Variants in GPC5 observed in about 807,000 individuals in gnomAD.
The protein encoded by GPC5 is glypican 5.
A neutral mutation model predicts 53.9 loss-of-function variants in GPC5; 47 were observed. The observed-to-expected ratio is 0.87, with a 90% CI of 0.69 to 1.11. The LOEUF (loss-of-function observed/expected upper bound fraction) is 1.11. GPC5 is among the 50% of genes most tolerant of loss of function. The probability of loss-of-function intolerance (pLI) is 0.00; values close to 1 mark genes in which losing one functional copy is unlikely to be tolerated. For missense variants in GPC5, 748 were observed against 713.1 expected, an observed-to-expected ratio of 1.05 and a Z score of -0.56; for synonymous variants, 286 against 263.3, an observed-to-expected ratio of 1.09 and a Z score of -0.84.
chr13:91,785,116 T>C (rs190152997), intron 5 of GPC5, among the ~76,000 whole-genome samples: 2 of 152,368 alleles, frequency 1.3e-5, no homozygotes, highest in Admixed American at 1.3e-4. Flanking sequence ...ACCTCCATTG[T>C]TAATTTCTCC....
intron 7 of GPC5, among the ~76,000 whole-genome samples, chr13:92,767,307 C>T (rs1006877687): frequency 6.6e-6 from 1 of 152,002 alleles, no homozygotes; most frequent in Non-Finnish European, 1.5e-5. Context: ...CCCGTCTCTG[C>T]TAAAACTACA....
chr13:92,461,066 T>A (rs1479924551), intron 7 of GPC5, among the ~76,000 whole-genome samples: 2 of 152,166 alleles, frequency 1.3e-5, no homozygotes, highest in African/African-American at 4.8e-5. Flanking sequence ...GTCAACATTT[T>A]TTTTTTCTGA....
chr13:91,927,203 G>T (rs1167802275), intron 6 of GPC5, among the ~76,000 whole-genome samples: 1 of 152,024 alleles, frequency 6.6e-6, no homozygotes, highest in African/African-American at 2.4e-5. Flanking sequence ...ATGGATTTTT[G>T]TGCTCACCAT....
At position 92,144,960 on chromosome 13, in the gene GPC5, A is replaced by C. The variant is rs2041856450; in HGVS notation, c.1532A>C (p.Glu511Ala). The C allele has an allele frequency of 6.4e-7, 1 of 1,564,194 alleles. No individual in the cohort carries two copies. Among genetic ancestry groups the C allele is most frequent in the South Asian group, 1.2e-5 (1 of 82,864 alleles). Residue 511 changes from glutamate to alanine, a missense_variant, in exon 7 of 8, where the codon GAA becomes GCA. Physicochemically the swap from Glu to Ala is moderately radical, Grantham distance 107 (BLOSUM62 -1). Coordinates refer to ENST00000377067, the MANE Select transcript of GPC5 (RefSeq NM_004466.6). Reference protein sequence around the residue: ...EDGCGGSGSGEVKRTLKITDW... With the variant: ...EDGCGGSGSGAVKRTLKITDW... ...GGTTGCGGGGGATCAGGAAGTGGAG[A>C]AGTCAAGAGGACACTGAAGATCACA...
chr13:92,136,402 T>C (rs1258127394), intron 6 of GPC5, among the ~76,000 whole-genome samples: 1 of 152,188 alleles, frequency 6.6e-6, no homozygotes, highest in Non-Finnish European at 1.5e-5. Flanking sequence ...TTAAAGATGG[T>C]TTATCAATCA....
At chr13:91,937,191 C>T (rs887297192) in intron 6 of GPC5, among the ~76,000 whole-genome samples, 1 of 152,052 alleles carries the variant, frequency 6.6e-6, no homozygotes, top group Middle Eastern at 3.2e-3. Flanking sequence ...CATGTAACAA[C>T]CACTCATGTA....
At chr13:92,822,591 A>C (rs2138811529) in intron 7 of GPC5, among the ~76,000 whole-genome samples, 1 of 152,290 alleles carries the variant, frequency 6.6e-6, no homozygotes, top group Middle Eastern at 3.4e-3. Context: ...GCAACCCCAG[A>C]GTGATTTCAA....
At chr13:92,841,556 G>A (rs894840792) in intron 7 of GPC5, among the ~76,000 whole-genome samples, 3 of 151,734 alleles carry the variant, frequency 2.0e-5, no homozygotes, top group East Asian at 1.9e-4. Context: ...CATTTCATCC[G>A]CATATACTTT....
chr13:91,568,791 G>A (rs1262201394), intron 2 of GPC5, among the ~76,000 whole-genome samples: 1 of 133,778 alleles, frequency 7.5e-6, no homozygotes, highest in Non-Finnish European at 1.6e-5. Context: ...GTCTCTCTCT[G>A]TCGCTGGAGT....
intron 6 of GPC5, among the ~76,000 whole-genome samples, chr13:92,105,124 T>A (rs1220138389): frequency 6.6e-6 from 1 of 151,826 alleles, no homozygotes; most frequent in Non-Finnish European, 1.5e-5. Context: ...GGAAAAAAAA[T>A]GATCATTAAA....
At position 92,707,828 on chromosome 13, in the gene GPC5, G is replaced by C. The variant is rs563672853; in HGVS notation, c.1562-158454G>C. On this transcript the variant is annotated intron_variant, in intron 7 of 7. Coordinates refer to ENST00000377067, the MANE Select transcript of GPC5 (RefSeq NM_004466.6). ...ATATAAGTTGCAAAGTGATTGGAAG[G>C]CTTTTGGCTTGGTTTGGATTTCTGG... Among the ~76,000 whole-genome samples the C allele has an allele frequency of 4.7e-4, 71 of 152,188 alleles. No homozygotes were observed. In the South Asian group the frequency reaches 0.015, roughly 32 times the overall value.
Position 91,459,822 on chromosome 13 carries a change from A to G in GPC5, c.325+10900A>G, listed in dbSNP as rs181854995. Among the ~76,000 whole-genome samples, 8 of 152,290 alleles carry G rather than the reference A, an allele frequency of 5.3e-5. No homozygotes were observed. In the East Asian group the frequency reaches 1.4e-3, roughly 26 times the overall value. ...GATAGACATATTTCTGTAATAAAAT[A>G]TATCTAGATATGAAAATACAATTGA... On this transcript the variant is annotated intron_variant, in intron 2 of 7. Transcript: ENST00000377067.
At chr13:91,959,394 A>G (rs2040106035) in intron 6 of GPC5, among the ~76,000 whole-genome samples, 1 of 151,994 alleles carries the variant, frequency 6.6e-6, no homozygotes, top group African/African-American at 2.4e-5. Context: ...AGACTCAGTC[A>G]GGAGTAAGAA....
At chr13:92,533,864 T>G (rs919202536) in intron 7 of GPC5, among the ~76,000 whole-genome samples, 1 of 152,206 alleles carries the variant, frequency 6.6e-6, no homozygotes, top group Non-Finnish European at 1.5e-5. Flanking sequence ...TATTTAAGAT[T>G]GGAACTGTTT....
intron 6 of GPC5, among the ~76,000 whole-genome samples, chr13:92,104,331 A>C (rs2138916787): frequency 6.6e-6 from 1 of 152,314 alleles, no homozygotes; most frequent in South Asian, 2.1e-4. Context: ...TCTTTCTTGA[A>C]GAAATGCTCT....
At chr13:91,528,933 C>G (rs1420668978) in intron 2 of GPC5, among the ~76,000 whole-genome samples, 1 of 152,172 alleles carries the variant, frequency 6.6e-6, no homozygotes, top group African/African-American at 2.4e-5. Context: ...GAAACCACCC[C>G]CATGATCCAG....
intron 7 of GPC5, among the ~76,000 whole-genome samples, chr13:92,757,685 A>G (rs1446788437): frequency 6.6e-6 from 1 of 152,198 alleles, no homozygotes; most frequent in African/African-American, 2.4e-5. Context: ...ATGAACAGAC[A>G]CTTCTCAAAA....
chr13:92,472,241 C>G (rs570925952), intron 7 of GPC5, among the ~76,000 whole-genome samples: 1 of 152,152 alleles, frequency 6.6e-6, no homozygotes, highest in South Asian at 2.1e-4. Context: ...CCATCTTAAT[C>G]TTTCCCTTCA....
At chr13:92,817,609 CA>C (rs1365248815) in intron 7 of GPC5, among the ~76,000 whole-genome samples, 1 of 151,852 alleles carries the variant, frequency 6.6e-6, no homozygotes, top group Non-Finnish European at 1.5e-5. Context: ...CATAGGTATC[CA>C]ATTTCATGAA....
Sources: gnomAD v4.1 joint callset for allele counts (sites outside exome capture counted in the v4.1 genomes callset) on GRCh38, gnomAD v4.1.1 for gene constraint, MANE v1.5 for transcripts, NCBI Gene and HGNC (gene_info 2026-07-23, HGNC 2026-07-21) for gene names.